SORL1: variants seen among roughly 807,000 people sequenced by gnomAD.
The protein encoded by SORL1 is sortilin-related receptor.
A neutral mutation model predicts 273.7 loss-of-function variants in SORL1; 127 were observed. That is an observed-to-expected ratio of 0.46 (90% CI 0.40 to 0.54). The LOEUF is 0.54. Among genes scored for constraint, SORL1 ranks in the 20% least tolerant of loss-of-function variants. The pLI, the probability that SORL1 is intolerant of heterozygous loss-of-function variation, is 0.00. For missense variants in SORL1, 2,494 were observed against 2,846.1 expected, an observed-to-expected ratio of 0.88 and a Z score of 2.81; for synonymous variants, 1,031 against 1,067.4, an observed-to-expected ratio of 0.97 and a Z score of 0.66.
At chr11:121,553,877 G>T in intron 16 of SORL1, 60 bp from the exon 17 acceptor site, 2 of 1,524,516 alleles carry the variant, frequency 1.3e-6, no homozygotes, top group African/African-American at 1.4e-5. Flanking sequence ...GGTCAGATGT[G>T]CTAGGACCTC....
chr11:121,469,862 A>C (rs1861142923), intron 1 of SORL1, 145 bp from the exon 2 acceptor site: 1 of 682,876 alleles, frequency 1.5e-6, no homozygotes, highest in Non-Finnish European at 2.7e-6. Context: ...ATGAGGTGGG[A>C]GGGGAAGAGG....
intron 1 of SORL1, among the ~76,000 whole-genome samples, chr11:121,468,188 C>T (rs765955371): frequency 2.0e-5 from 3 of 152,104 alleles, no homozygotes; most frequent in Non-Finnish European, 4.4e-5. Context: ...GAGAAGACAG[C>T]TCGGAGGGCA....
At chr11:121,568,788 A>G (rs1326284037) in intron 22 of SORL1, among the ~76,000 whole-genome samples, 1 of 152,180 alleles carries the variant, frequency 6.6e-6, no homozygotes, top group African/African-American at 2.4e-5. Flanking sequence ...TATTGTGGTT[A>G]TCCTTCTTAA....
At chr11:121,613,849 C>G (rs1187790461) in intron 40 of SORL1, among the ~76,000 whole-genome samples, 7 of 152,214 alleles carry the variant, frequency 4.6e-5, no homozygotes, top group African/African-American at 1.7e-4. Context: ...GAGCAGAAGC[C>G]TTAACTAGCT....
intron 23 of SORL1, among the ~76,000 whole-genome samples, chr11:121,573,993 G>A (rs1278750082): frequency 6.6e-6 from 1 of 152,226 alleles, no homozygotes; most frequent in African/African-American, 2.4e-5. Flanking sequence ...ACAGATGACA[G>A]TTTCTCACTT....
intron 32 of SORL1, among the ~76,000 whole-genome samples, chr11:121,601,166 G>A (rs1313725573): frequency 5.5e-5 from 8 of 145,634 alleles, no homozygotes; most frequent in East Asian, 4.0e-4. Context: ...TTGTTCTTGC[G>A]ATAGTTTACT....
chr11:121,528,289 CAA>C (rs1862153128), intron 11 of SORL1, among the ~76,000 whole-genome samples: 1 of 151,896 alleles, frequency 6.6e-6, no homozygotes, highest in African/African-American at 2.4e-5. Flanking sequence ...GGCACCATAG[CAA>C]AACTTTGTCT....
chr11:121,517,007 G>A (rs1351960970), intron 8 of SORL1, among the ~76,000 whole-genome samples: 1 of 151,982 alleles, frequency 6.6e-6, no homozygotes, highest in Non-Finnish European at 1.5e-5. Flanking sequence ...AGCCAAGATC[G>A]TGCTACTGCA....
At chr11:121,566,710 G>C in intron 21 of SORL1, 1 of 444,300 alleles carries the variant, frequency 2.3e-6, no homozygotes. Context: ...CTGCTGCCTG[G>C]CTTGGCTCTG....
At chr11:121,456,257 C>T (rs1183907425) in intron 1 of SORL1, among the ~76,000 whole-genome samples, 1 of 152,164 alleles carries the variant, frequency 6.6e-6, no homozygotes, top group East Asian at 1.9e-4. Flanking sequence ...GGAAGAGTTT[C>T]TTCTGAGCTT....
rs1298977842 is a variant in SORL1 at position 121,494,629 on chromosome 11, C to CT, written c.759-2239dup. On this transcript the variant is annotated intron_variant, in intron 5 of 47. Coordinates refer to ENST00000260197, the MANE Select transcript of SORL1 (RefSeq NM_003105.6). ...TCAGTGAGCGTAAGACATTGGAAGT[C>CT]TAAGTGATTGCAAAGTATGAGAACT... 3.9e-5 allele frequency among the ~76,000 whole-genome samples: 6 copies of CT among 152,158 alleles called. No homozygotes were observed. In the East Asian group the frequency reaches 1.2e-3, roughly 29 times the overall value.
intron 20 of SORL1, 57 bp downstream of exon 20, chr11:121,558,894 A>G (rs1304784948): frequency 5.6e-6 from 9 of 1,597,456 alleles, no homozygotes; most frequent in Admixed American, 1.7e-5. Flanking sequence ...AGCATATGAG[A>G]TCAGGAGCCT....
intron 41 of SORL1, among the ~76,000 whole-genome samples, chr11:121,617,268 G>T (rs1342215801): frequency 3.3e-5 from 5 of 152,202 alleles, no homozygotes; most frequent in Non-Finnish European, 7.3e-5. Context: ...AGATGCGAAG[G>T]TTCCCCCACA....
At position 121,478,153 on chromosome 11, in the gene SORL1, G is replaced by T; in HGVS notation, c.438G>T (p.Lys146Asn). 1 of 1,613,320 alleles carries T rather than the reference G, an allele frequency of 6.2e-7. No homozygotes were observed. The highest frequency in any genetic ancestry group is 8.5e-7 in the Non-Finnish European group (1 of 1,179,758). ...YVSYDYGKSF[K>N]KISDKLNFGL... The stretch of plus-strand genomic sequence containing the variant: ...CTTACGACTATGGAAAATCATTCAA[G>T]AAAATTTCAGACAAGTTAAACTTTG... The change falls in exon 3 of 48, where the codon AAG (lysine) becomes AAT (asparagine). Residue 146 changes from lysine to asparagine, a missense_variant. By Grantham distance (94) the Lys-to-Asn change is moderately conservative. This residue lies in a region of SORL1 where 710 missense variants were observed against 882.5 expected (regional missense o/e 0.80). Transcript: ENST00000260197.
At chr11:121,456,350 C>G (rs1334825548) in intron 1 of SORL1, among the ~76,000 whole-genome samples, 1 of 152,208 alleles carries the variant, frequency 6.6e-6, no homozygotes, top group African/African-American at 2.4e-5. Context: ...GGATCAAGTT[C>G]TCTTGTGTTT....
At chr11:121,610,994 C>G in intron 38 of SORL1, 82 bp from the exon 39 acceptor site, 1 of 897,398 alleles carries the variant, frequency 1.1e-6, no homozygotes, top group South Asian at 1.4e-5. Flanking sequence ...TGGCTTTGTC[C>G]GTTGAGTTGA....
chr11:121,547,140 T>C (rs1862438586), intron 14 of SORL1: 1 of 152,116 alleles, frequency 6.6e-6, no homozygotes, highest in Non-Finnish European at 1.5e-5. Context: ...TTTTGCATTA[T>C]AGTCTAATCT....
At chr11:121,458,715 GAAGAAGTGGCATGGGCGGCCTTCA>G (rs1297840668) in intron 1 of SORL1, among the ~76,000 whole-genome samples, 1 of 152,138 alleles carries the variant, frequency 6.6e-6, no homozygotes, top group African/African-American at 2.4e-5. Flanking sequence ...CTGGGCCTTC[GAAGAAGTGGCATGGGCGGCCTTCA>G]AGCGCTGAAG....
intron 5 of SORL1, among the ~76,000 whole-genome samples, chr11:121,491,268 G>A (rs1173403777): frequency 2.0e-5 from 3 of 152,180 alleles, no homozygotes; most frequent in African/African-American, 7.2e-5. Context: ...CTGTAGTTTT[G>A]TGAGAAGAGG....
Sources: allele counts gnomAD v4.1 joint callset (sites outside exome capture counted in the v4.1 genomes callset), GRCh38; gene constraint gnomAD v4.1.1; regional missense constraint gnomAD v4.1.1; transcripts MANE v1.5; gene names NCBI Gene and HGNC (gene_info 2026-07-23, HGNC 2026-07-21).